LINGO2: variants seen among roughly 807,000 people sequenced by gnomAD.
LINGO2 encodes the protein leucine-rich repeat and immunoglobulin-like domain-containing nogo receptor-interacting protein 2.
In LINGO2, 14 loss-of-function variants were observed where a neutral mutation model predicts 30.6. The ratio of observed to expected loss-of-function variants is 0.46; its 90% CI spans 0.30 to 0.72. The LOEUF is 0.72. Among genes scored for constraint, LINGO2 ranks in the 30% least tolerant of loss-of-function variants. The pLI, the probability that LINGO2 is intolerant of heterozygous loss-of-function variation, is 0.07. For synonymous variants in LINGO2, 317 were observed against 288.5 expected, an observed-to-expected ratio of 1.10 and a Z score of -1.00; for missense variants, 729 against 751.7, an observed-to-expected ratio of 0.97 and a Z score of 0.35.
chr9:29,059,970 G>T, the LINGO2 span, among the ~76,000 whole-genome samples: 1 of 152,002 alleles, frequency 6.6e-6, no homozygotes, highest in Non-Finnish European at 1.5e-5. Flanking sequence ...CTCTCTCATT[G>T]ATTACAACTA....
chr9:28,606,038 C>T (rs912199590), intron 1 of LINGO2, among the ~76,000 whole-genome samples: 1 of 148,792 alleles, frequency 6.7e-6, no homozygotes, highest in South Asian at 2.4e-4. Flanking sequence ...AAATAACAAA[C>T]ATTTTTCACA....
chr9:28,878,448 A>C, the LINGO2 span, among the ~76,000 whole-genome samples: 2 of 152,206 alleles, frequency 1.3e-5, no homozygotes, highest in South Asian at 4.1e-4. Flanking sequence ...AAACTATTCC[A>C]ATCAATAGAA....
At chr9:29,064,689 G>A in the LINGO2 span, among the ~76,000 whole-genome samples, 2 of 151,854 alleles carry the variant, frequency 1.3e-5, no homozygotes, top group African/African-American at 2.4e-5. Flanking sequence ...ATGATATTAT[G>A]CTTTTTAGTG....
chr9:29,005,488 C>G, the LINGO2 span, among the ~76,000 whole-genome samples: 2 of 151,972 alleles, frequency 1.3e-5, no homozygotes, highest in Non-Finnish European at 1.5e-5. Flanking sequence ...TACATATAAC[C>G]TGTGCACATC....
At chr9:28,297,819 CA>C (rs1823980724) in intron 3 of LINGO2, among the ~76,000 whole-genome samples, 1 of 152,152 alleles carries the variant, frequency 6.6e-6, no homozygotes, top group Admixed American at 6.5e-5. Context: ...CGGCATCAAA[CA>C]CAAGAGTCAC....
intron 3 of LINGO2, among the ~76,000 whole-genome samples, chr9:28,311,051 G>T (rs1040439599): frequency 1.3e-5 from 2 of 152,088 alleles, no homozygotes; most frequent in African/African-American, 2.4e-5. Flanking sequence ...CTAAGTGTCA[G>T]CCGGTCTGAG....
chr9:28,817,251 G>C, the LINGO2 span, among the ~76,000 whole-genome samples: 1,017 of 152,156 alleles, frequency 6.7e-3, 13 homozygotes, highest in African/African-American at 0.023. Context: ...AAAAAAAGGG[G>C]GATAGGTATA....
the LINGO2 span, among the ~76,000 whole-genome samples, chr9:29,190,323 T>C: frequency 6.6e-6 from 1 of 152,088 alleles, no homozygotes; most frequent in African/African-American, 2.4e-5. Context: ...TGCTAGTAAT[T>C]ACTGTAAATT....
chr9:28,286,439 C>T (rs1220764171), intron 4 of LINGO2, among the ~76,000 whole-genome samples: 1 of 152,172 alleles, frequency 6.6e-6, no homozygotes, highest in Non-Finnish European at 1.5e-5. Context: ...TACCATTCAA[C>T]CCAGCAATCC....
At chr9:27,985,914 C>T (rs953098362) in intron 5 of LINGO2, among the ~76,000 whole-genome samples, 2 of 151,816 alleles carry the variant, frequency 1.3e-5, no homozygotes, top group Admixed American at 6.6e-5. Context: ...TTCTGATGGA[C>T]TGGAACTGAG....
At chr9:28,022,571 T>C (rs1029963002) in intron 4 of LINGO2, among the ~76,000 whole-genome samples, 2 of 151,958 alleles carry the variant, frequency 1.3e-5, no homozygotes, top group Admixed American at 6.6e-5. Context: ...GGATATTCTA[T>C]ATTTGTGGAC....
chr9:28,564,346 A>G (rs754064825), intron 1 of LINGO2, among the ~76,000 whole-genome samples: 52 of 152,166 alleles, frequency 3.4e-4, no homozygotes, highest in Non-Finnish European at 6.9e-4. Context: ...AAAGTAGATG[A>G]ACCGGGAGTA....
intron 2 of LINGO2, among the ~76,000 whole-genome samples, chr9:28,412,454 T>C (rs1016182580): frequency 1.3e-5 from 2 of 152,032 alleles, no homozygotes; most frequent in Non-Finnish European, 2.9e-5. Context: ...TTAAAAAACA[T>C]GCAAATTGAA....
chr9:27,939,912 CA>C, the LINGO2 span: 1 of 152,122 alleles, frequency 6.6e-6, no homozygotes, highest in African/African-American at 2.4e-5. Flanking sequence ...TGTGACAATA[CA>C]AAATTATTCA....
intron 1 of LINGO2, among the ~76,000 whole-genome samples, chr9:28,513,084 TACACACACACACACACACACACAC>T (rs57773955): frequency 1.4e-5 from 2 of 146,650 alleles, no homozygotes; most frequent in Admixed American, 6.8e-5. Context: ...TTAACCATCA[TACACACACACACACACACACACAC>T]ACACACACAC....
intron 2 of LINGO2, among the ~76,000 whole-genome samples, chr9:28,384,149 T>A (rs1226854675): frequency 2.6e-5 from 4 of 151,622 alleles, no homozygotes; most frequent in African/African-American, 9.7e-5. Flanking sequence ...AAAATTGCAT[T>A]TAGACAATTA....
chr9:28,055,142 T>C (rs369788904), intron 4 of LINGO2, among the ~76,000 whole-genome samples: 270 of 152,232 alleles, frequency 1.8e-3, no homozygotes, highest in African/African-American at 6.2e-3. Context: ...AATGCTGAAG[T>C]CTTTTGTTTT....
At chr9:29,147,841 CTAAA>C in the LINGO2 span, among the ~76,000 whole-genome samples, 1 of 152,004 alleles carries the variant, frequency 6.6e-6, no homozygotes, top group Non-Finnish European at 1.5e-5. Context: ...CATCTGCAAA[CTAAA>C]TGAATGTACA....
chr9:28,802,010 T>C, the LINGO2 span, among the ~76,000 whole-genome samples: 13 of 151,864 alleles, frequency 8.6e-5, no homozygotes, highest in African/African-American at 2.9e-4. Context: ...ATATATATGA[T>C]ACATTTATAT....
Sources: gnomAD v4.1 joint callset for allele counts (sites outside exome capture counted in the v4.1 genomes callset) on GRCh38, gnomAD v4.1.1 for gene constraint, MANE v1.5 for transcripts, NCBI Gene and HGNC (gene_info 2026-07-23, HGNC 2026-07-21) for gene names.